The following PMAIP1 variants were observed in gnomAD, a reference collection of about 807,000 sequenced individuals.
The protein encoded by PMAIP1 is PMA-induced protein 1.
PMAIP1 carries 3 observed loss-of-function variants against 3.7 expected under a neutral mutation model. The observed-to-expected ratio is 0.82, with a 90% CI of 0.37 to 2.12. The LOEUF is 2.12. Ranked by LOEUF, PMAIP1 falls within the 30% of genes most tolerant of loss-of-function variation. The probability of loss-of-function intolerance (pLI) is 0.06; values close to 1 mark genes in which losing one functional copy is unlikely to be tolerated. For synonymous variants in PMAIP1, 29 were observed against 26.2 expected, an observed-to-expected ratio of 1.11 and a Z score of -0.32; for missense variants, 77 against 67.1, an observed-to-expected ratio of 1.15 and a Z score of -0.52.
chr18:59,902,602 G>C, intron 1 of PMAIP1, 45 bp from the exon 2 acceptor site: 2 of 1,518,738 alleles, frequency 1.3e-6, no homozygotes, highest in Non-Finnish European at 1.8e-6. Flanking sequence ...GTTACAGTCT[G>C]TAATATCATC....
chr18:59,902,367 T>G (rs1435537237), intron 1 of PMAIP1, among the ~76,000 whole-genome samples: 3 of 152,232 alleles, frequency 2.0e-5, no homozygotes, highest in Non-Finnish European at 4.4e-5. Context: ...GTATTTGACA[T>G]ATTTGAAAGT....
intron 1 of PMAIP1, 189 bp downstream of exon 1, chr18:59,900,424 C>T (rs2055754213): frequency 1.9e-6 from 3 of 1,550,320 alleles, no homozygotes; most frequent in Non-Finnish European, 2.6e-6. Flanking sequence ...GGGTTTTTCC[C>T]CAGGACCGGC....
chr18:59,900,416 G>T (rs570810622), intron 1 of PMAIP1, 181 bp downstream of exon 1: 91 of 1,550,304 alleles, frequency 5.9e-5, no homozygotes, highest in Middle Eastern at 1.7e-4. Flanking sequence ...GTTCTTCGGG[G>T]TTTTTCCCCA....
rs938987335 is a variant in PMAIP1, at chr18:59,900,005, C to T, written c.-173C>T. The T allele has an allele frequency of 1.6e-5, 9 of 570,360 alleles. No individual in the cohort carries two copies. In the South Asian group the frequency reaches 1.8e-4, roughly 11 times the overall value. The allele number at this position is 570,360 out of a possible 1,614,324, so 35.3% of individuals were successfully genotyped here. On this transcript the variant is annotated 5_prime_UTR_variant, in exon 1 of 2. Transcript: ENST00000316660. ...CTGGCGCGGGGATCTCAGAGTTTCC[C>T]GGGCACTCACCGTGTGTAGTTGGCA... is the stretch of plus-strand genomic sequence containing the variant.
At position 59,903,369 on chromosome 18, in the gene PMAIP1, T is replaced by C. The variant is rs916941588; in HGVS notation, c.*616T>C. 1 of 154,256 alleles carries C rather than the reference T, an allele frequency of 6.5e-6. No homozygotes were observed. Among genetic ancestry groups the C allele is most frequent in the Non-Finnish European group, 1.4e-5 (1 of 69,082 alleles). The allele number at this position is 154,256 out of a possible 1,614,324, so 9.6% of individuals were successfully genotyped here. ...TTGCTTCTGTTCAGATGATCTTTCA[T>C]TCAATGTGTTCCTGTTGGGCGTTAC... On this transcript the variant is annotated 3_prime_UTR_variant, in exon 2 of 2. Transcript: ENST00000316660.
chr18:59,900,055 C>A lies in PMAIP1; in HGVS notation c.-123C>A. The A allele has an allele frequency of 9.6e-7, 1 of 1,044,204 alleles. No individual in the cohort carries two copies. The highest frequency in any genetic ancestry group is 1.3e-6 in the Non-Finnish European group (1 of 751,744). The allele number at this position is 1,044,204 out of a possible 1,614,324, so 64.7% of individuals were successfully genotyped here. A position where few individuals can be genotyped will look rare whatever the true frequency, so the allele number is the denominator to read the frequency against. On this transcript the variant is annotated 5_prime_UTR_variant, in exon 1 of 2. Coordinates refer to ENST00000316660, the MANE Select transcript of PMAIP1 (RefSeq NM_021127.3). ...ATCTCCGCGCGTCCGGACACCCGAT[C>A]CCAGCATCCCTGCCTGCAGGACTGT...
chr18:59,900,674 G>A lies in PMAIP1; in HGVS notation c.58+439G>A, dbSNP rs1000374717. Reference sequence around the variant, plus strand: ...TGGACTCCCAGCGCTTCCAGAGACGGCCCCACAAGGGCCCCTGTGTTCAGG... The same window carrying A: ...TGGACTCCCAGCGCTTCCAGAGACGACCCCACAAGGGCCCCTGTGTTCAGG... On this transcript the variant is annotated intron_variant, in intron 1 of 1. Coordinates refer to ENST00000316660, the MANE Select transcript of PMAIP1 (RefSeq NM_021127.3). 3.1e-6 allele frequency: 4 copies of A among 1,307,848 alleles called. No individual in the cohort carries two copies. In the African/African-American group the frequency reaches 5.9e-5, roughly 19 times the overall value. The allele number at this position is 1,307,848 out of a possible 1,614,324, so 81.0% of individuals were successfully genotyped here.
At chr18:59,901,456 A>G (rs535156128) in intron 1 of PMAIP1, among the ~76,000 whole-genome samples, 1 of 152,324 alleles carries the variant, frequency 6.6e-6, no homozygotes, top group South Asian at 2.1e-4. Context: ...AATACTTCCC[A>G]ACATATTTGA....
intron 1 of PMAIP1, among the ~76,000 whole-genome samples, chr18:59,900,959 C>T (rs115999009): frequency 2.0e-5 from 3 of 152,174 alleles, no homozygotes; most frequent in Admixed American, 6.5e-5. Flanking sequence ...ACGCCCCCCC[C>T]ACCTTTTAAG....
chr18:59,903,190 C>T lies in PMAIP1; in HGVS notation c.*437C>T. On this transcript the variant is annotated 3_prime_UTR_variant, in exon 2 of 2. Coordinates refer to ENST00000316660, the MANE Select transcript of PMAIP1 (RefSeq NM_021127.3). ...GTTTTTGGTGTTTTGCTTTTCAGTGCCAACTCAGCACATTGTATATGATTC... is the reference window on the plus strand; with the variant it reads ...GTTTTTGGTGTTTTGCTTTTCAGTGTCAACTCAGCACATTGTATATGATTC... 1.2e-5 allele frequency: 4 copies of T among 338,916 alleles called. No homozygotes were observed. In the South Asian group the frequency reaches 1.5e-4, roughly 12 times the overall value. The allele number at this position is 338,916 out of a possible 1,614,324, so 21.0% of individuals were successfully genotyped here.
At chr18:59,900,485 AGCT>A in intron 1 of PMAIP1, 1 of 1,550,012 alleles carries the variant, frequency 6.5e-7, no homozygotes, top group South Asian at 1.2e-5. Flanking sequence ...ATTGGGATGC[AGCT>A]GCGTTTCACC....
chr18:59,900,536 C>T lies in PMAIP1; in HGVS notation c.58+301C>T, dbSNP rs865959321. On this transcript the variant is annotated intron_variant, in intron 1 of 1. Transcript: ENST00000316660. ...CTCCTTTCCTCCTCTCTTTCCTCCT[C>T]GCCACTTGCCCTTCCCCGGGGCCAC... The T allele has an allele frequency of 2.3e-5, 36 of 1,550,404 alleles. No individual in the cohort carries two copies. In the African/African-American group the frequency reaches 4.2e-4, roughly 18 times the overall value.
intron 1 of PMAIP1, chr18:59,900,552 C>T: frequency 1.9e-6 from 3 of 1,550,534 alleles, no homozygotes; most frequent in Non-Finnish European, 2.6e-6. Context: ...TTGCCCTTCC[C>T]CGGGGCCACG....
intron 1 of PMAIP1, 83 bp downstream of exon 1, chr18:59,900,318 C>T: frequency 3.3e-6 from 5 of 1,510,624 alleles, no homozygotes; most frequent in Non-Finnish European, 4.4e-6. Context: ...GCGGGCTCAG[C>T]TCGCCGGGGC....
In PMAIP1 at chr18:59,902,988, G is replaced by T. The variant is rs2055784102; in HGVS notation, c.*235G>T. 1.5e-6 allele frequency: 1 copy of T among 648,628 alleles called. No homozygotes were observed. Among genetic ancestry groups the T allele is most frequent in the African/African-American group, 1.8e-5 (1 of 54,564 alleles). 40.2% of individuals were successfully genotyped at this position (648,628 alleles called of 1,614,324 possible). The stretch of plus-strand genomic sequence containing the variant: ...ATAAAACCACTTTGTTTATTTTAAA[G>T]CAAGAATGGAAGACCCTTGAAAATA... On this transcript the variant is annotated 3_prime_UTR_variant, in exon 2 of 2. Transcript: ENST00000316660.
Position 59,900,169 on chromosome 18 carries a change from C to G in PMAIP1, c.-9C>G, listed in dbSNP as rs553319411. Reference sequence around the variant, plus strand: ...CTCTGTAGCTGAGTGGGCGGCGGCACCGGCGGAGATGCCTGGGAAGAAGGC... The same window carrying G: ...CTCTGTAGCTGAGTGGGCGGCGGCAGCGGCGGAGATGCCTGGGAAGAAGGC... On this transcript the variant is annotated 5_prime_UTR_variant, in exon 1 of 2. Coordinates refer to ENST00000316660, the MANE Select transcript of PMAIP1 (RefSeq NM_021127.3). 29 of 1,557,864 alleles carry G rather than the reference C, an allele frequency of 1.9e-5. No homozygotes were observed. In the South Asian group the frequency reaches 2.8e-4, roughly 15 times the overall value.
Position 59,904,116 on chromosome 18 carries a change from G to A in PMAIP1, c.*1363G>A, listed in dbSNP as rs2055793585. ...AATGTAGGTTGTAGTCACTTTAGATGGAAAATTACCTCACATCTGTTTTCT... is the reference window on the plus strand; with the variant it reads ...AATGTAGGTTGTAGTCACTTTAGATAGAAAATTACCTCACATCTGTTTTCT... On this transcript the variant is annotated 3_prime_UTR_variant, in exon 2 of 2. Transcript: ENST00000316660. 1 of 152,000 alleles carries A rather than the reference G, an allele frequency of 6.6e-6. No homozygotes were observed. Among genetic ancestry groups the A allele is most frequent in the South Asian group, 2.1e-4 (1 of 4,832 alleles). 9.4% of individuals were successfully genotyped at this position (152,000 alleles called of 1,614,324 possible).
At position 59,903,782 on chromosome 18, in the gene PMAIP1, A is replaced by G. The variant is rs977204453; in HGVS notation, c.*1029A>G. The G allele has an allele frequency of 8.5e-5, 13 of 152,296 alleles. No homozygotes were observed. Among genetic ancestry groups the G allele is most frequent in the East Asian group, 7.7e-4 (4 of 5,190 alleles). 9.4% of individuals were successfully genotyped at this position (152,296 alleles called of 1,614,324 possible). A position where few individuals can be genotyped will look rare whatever the true frequency, so the allele number is the denominator to read the frequency against. On this transcript the variant is annotated 3_prime_UTR_variant, in exon 2 of 2. Transcript: ENST00000316660. The stretch of plus-strand genomic sequence containing the variant: ...AGTTCTCATCTAGAATGAAAGTTCC[A>G]TATATGCATTGGTGAATATATATGT...
At chr18:59,902,578 AT>A in intron 1 of PMAIP1, 68 bp from the exon 2 acceptor site, 1 of 1,333,518 alleles carries the variant, frequency 7.5e-7, no homozygotes, top group Non-Finnish European at 1.1e-6. Flanking sequence ...GTGTGGGCGT[AT>A]TAGGTTTTGC....
Sources: allele counts gnomAD v4.1 joint callset (sites outside exome capture counted in the v4.1 genomes callset), GRCh38; gene constraint gnomAD v4.1.1; transcripts MANE v1.5; gene names NCBI Gene and HGNC (gene_info 2026-07-23, HGNC 2026-07-21).